Variants in DAPP1 observed in about 807,000 individuals in gnomAD.
The protein encoded by DAPP1 is dual adapter for phosphotyrosine and 3-phosphotyrosine and 3-phosphoinositide.
DAPP1 carries 20 observed loss-of-function variants against 41.5 expected under a neutral mutation model. The ratio of observed to expected loss-of-function variants is 0.48; its 90% CI spans 0.34 to 0.70. DAPP1 has a LOEUF of 0.70. Among genes scored for constraint, DAPP1 ranks in the 30% least tolerant of loss-of-function variants. The probability of loss-of-function intolerance (pLI) is 0.01; values close to 1 mark genes in which losing one functional copy is unlikely to be tolerated. For missense variants in DAPP1, 233 were observed against 333.4 expected (o/e 0.70, Z 2.35); for synonymous variants, 113 against 116.2 (o/e 0.97, Z 0.18).
chr4:99,872,333 A>ATT (rs35776121), downstream of DAPP1, among the ~76,000 whole-genome samples: 1 of 151,224 alleles, frequency 6.6e-6, no homozygotes, highest in African/African-American at 2.4e-5. Context: ...AAGTCACACC[A>ATT]TTTTTTTTTG....
chr4:99,872,311 T>A (rs1000602450), downstream of DAPP1, among the ~76,000 whole-genome samples: 2 of 152,148 alleles, frequency 1.3e-5, no homozygotes, highest in African/African-American at 4.8e-5. Context: ...AAAGCAAATA[T>A]TGCAATAAAG....
intron 3 of DAPP1, among the ~76,000 whole-genome samples, chr4:99,851,929 A>G (rs1372322852): frequency 2.0e-5 from 3 of 151,296 alleles, no homozygotes; most frequent in African/African-American, 7.3e-5. Flanking sequence ...TCATTTTCTC[A>G]CTCTTACTCT....
At chr4:99,872,170 G>A (rs1348322461), downstream of DAPP1, among the ~76,000 whole-genome samples, 1 of 152,230 alleles carries the variant, frequency 6.6e-6, no homozygotes, top group Non-Finnish European at 1.5e-5. Flanking sequence ...CAAGATTGGA[G>A]CCAGAGAAGT....
At chr4:99,840,493 A>G in intron 3 of DAPP1, 71 bp downstream of exon 3, 3 of 1,487,038 alleles carry the variant, frequency 2.0e-6, no homozygotes, top group Middle Eastern at 3.4e-4. Context: ...GCAGATTTCA[A>G]TTTAAGAATG....
chr4:99,864,020 T>A lies in DAPP1; in HGVS notation c.686+165T>A, dbSNP rs1385046130. The A allele has an allele frequency of 5.7e-6, 3 of 526,882 alleles. No homozygotes were observed. In the African/African-American group the frequency reaches 6.0e-5, roughly 11 times the overall value. 32.6% of individuals were successfully genotyped at this position (526,882 alleles called of 1,614,324 possible). A position where few individuals can be genotyped will look rare whatever the true frequency, so the allele number is the denominator to read the frequency against. On this transcript the variant is annotated intron_variant, in intron 7 of 8. Transcript: ENST00000512369. ...AGCTGAGTGTGACATAACACCTCAT[T>A]TAAAGTAGCTTAAACAAACAGGCAG...
intron 1 of DAPP1, among the ~76,000 whole-genome samples, chr4:99,828,710 C>A (rs1017384776): frequency 2.0e-5 from 3 of 152,198 alleles, no homozygotes; most frequent in Non-Finnish European, 4.4e-5. Flanking sequence ...TAAGAGGCAG[C>A]TATGAAAATT....
intron 7 of DAPP1, 42 bp from the exon 8 acceptor site, chr4:99,865,992 A>ATATAT: frequency 4.2e-6 from 1 of 240,418 alleles, no homozygotes; most frequent in Non-Finnish European, 8.1e-6. Context: ...ATATATAGCT[A>ATATAT]ATGATCTGCA....
chr4:99,867,403 A>G (rs1051191650), intron 8 of DAPP1, among the ~76,000 whole-genome samples: 6 of 152,218 alleles, frequency 3.9e-5, no homozygotes, highest in Non-Finnish European at 5.9e-5. Context: ...TTTAAAAACA[A>G]AATTTAATCA....
At chr4:99,855,498 A>T (rs1313386985) in intron 4 of DAPP1, among the ~76,000 whole-genome samples, 2 of 152,206 alleles carry the variant, frequency 1.3e-5, no homozygotes. Flanking sequence ...CAGCTATCAG[A>T]TGGATTCACC....
chr4:99,836,533 A>C (rs979901185), intron 2 of DAPP1, among the ~76,000 whole-genome samples: 2 of 152,078 alleles, frequency 1.3e-5, no homozygotes, highest in Non-Finnish European at 2.9e-5. Flanking sequence ...CCCACCCATT[A>C]AGCTCAAACT....
intron 1 of DAPP1, among the ~76,000 whole-genome samples, chr4:99,823,820 A>G (rs1722851298): frequency 6.6e-6 from 1 of 152,178 alleles, no homozygotes; most frequent in Non-Finnish European, 1.5e-5. Flanking sequence ...GTGAGTAGGA[A>G]ACTAGAGTGC....
chr4:99,838,123 G>A (rs1480617597), intron 2 of DAPP1, among the ~76,000 whole-genome samples: 1 of 152,058 alleles, frequency 6.6e-6, no homozygotes, highest in Non-Finnish European at 1.5e-5. Flanking sequence ...GGGACCCCTG[G>A]CATGAATCTT....
At chr4:99,843,467 T>G (rs1723562426) in intron 3 of DAPP1, among the ~76,000 whole-genome samples, 1 of 152,240 alleles carries the variant, frequency 6.6e-6, no homozygotes, top group South Asian at 2.1e-4. Context: ...AAGGATTTCC[T>G]AAGCAACATC....
intron 8 of DAPP1, chr4:99,866,614 A>T (rs762168221): frequency 2.6e-6 from 2 of 765,968 alleles, no homozygotes; most frequent in Non-Finnish European, 4.8e-6. Flanking sequence ...CGAGGAGAAG[A>T]CTGAGTGAGT....
At chr4:99,828,548 T>C (rs1723020567) in intron 1 of DAPP1, among the ~76,000 whole-genome samples, 1 of 152,090 alleles carries the variant, frequency 6.6e-6, no homozygotes, top group Non-Finnish European at 1.5e-5. Flanking sequence ...GATAAGAAAC[T>C]ATGAAGGTTC....
At chr4:99,854,038 T>G (rs1434192441) in intron 4 of DAPP1, among the ~76,000 whole-genome samples, 1 of 152,216 alleles carries the variant, frequency 6.6e-6, no homozygotes, top group African/African-American at 2.4e-5. Flanking sequence ...AGACAAATAT[T>G]CTCCACCTTT....
At chr4:99,848,048 A>G (rs1723726781) in intron 3 of DAPP1, among the ~76,000 whole-genome samples, 1 of 151,200 alleles carries the variant, frequency 6.6e-6, no homozygotes, top group Non-Finnish European at 1.5e-5. Context: ...TCCTGACCTC[A>G]TGATCCGCCC....
chr4:99,836,110 T>C (rs1298834475), intron 2 of DAPP1, among the ~76,000 whole-genome samples: 4 of 152,208 alleles, frequency 2.6e-5, no homozygotes, highest in African/African-American at 9.7e-5. Context: ...TATTCTTTGA[T>C]TTCTCTGTAA....
chr4:99,865,133 A>G (rs1560710523), intron 7 of DAPP1: 2 of 152,266 alleles, frequency 1.3e-5, no homozygotes, highest in Non-Finnish European at 2.9e-5. Context: ...ATTAGCTTCT[A>G]TGCACAGAGA....
Sources: gnomAD v4.1 joint callset for allele counts (sites outside exome capture counted in the v4.1 genomes callset) on GRCh38, gnomAD v4.1.1 for gene constraint, MANE v1.5 for transcripts, NCBI Gene and HGNC (gene_info 2026-07-23, HGNC 2026-07-21) for gene names.